Variants in EFEMP1 observed in about 807,000 individuals in gnomAD.
EFEMP1 encodes EGF-like fibulin extracellular matrix protein 1, also known as EGF-containing fibulin-like extracellular matrix protein 1.
Under a neutral mutation model 65.7 loss-of-function variants are expected in EFEMP1, and 18 were observed. The observed-to-expected ratio is 0.27, with a 90% CI of 0.19 to 0.41. The LOEUF is 0.41. Among genes scored for constraint, EFEMP1 ranks in the 10% least tolerant of loss-of-function variants. The probability of loss-of-function intolerance (pLI) is 1.00; values close to 1 mark genes in which losing one functional copy is unlikely to be tolerated. For synonymous variants in EFEMP1, 237 were observed against 219.7 expected (o/e 1.08, Z -0.70); for missense variants, 469 against 624.8 (o/e 0.75, Z 2.66).
rs142946208 is a variant in EFEMP1, at chr2:55,869,377, A to C, written c.1320+1343T>G. Among the ~76,000 whole-genome samples the C allele has an allele frequency of 3.3e-3, 507 of 152,292 alleles. 1 individual carries two copies. Among genetic ancestry groups the C allele is most frequent in the African/African-American group, 0.012 (488 of 41,572 alleles). ...AATTGTGTAAAATTCATTCAGTGGA[A>C]ATTTCTTACAAATATCAAGAATATG... On this transcript the variant is annotated intron_variant, in intron 11 of 11. Transcript: ENST00000355426.
chr2:55,902,437 T>TG (rs1274470677), intron 5 of EFEMP1, among the ~76,000 whole-genome samples: 1 of 152,254 alleles, frequency 6.6e-6, no homozygotes, highest in South Asian at 2.1e-4. Context: ...TCACATTTAG[T>TG]GCTGGCACCT....
At chr2:55,874,161 C>T (rs1249649031) in intron 9 of EFEMP1, among the ~76,000 whole-genome samples, 1 of 152,032 alleles carries the variant, frequency 6.6e-6, no homozygotes, top group Admixed American at 6.6e-5. Context: ...AACAGGTTTT[C>T]TGTCAAGTTT....
chr2:55,869,111 T>C (rs576282337), intron 11 of EFEMP1, among the ~76,000 whole-genome samples: 124 of 152,268 alleles, frequency 8.1e-4, no homozygotes, highest in African/African-American at 2.7e-3. Context: ...GTATTTTGAT[T>C]TGAAAATATG....
At chr2:55,896,544 T>C (rs527448078) in intron 5 of EFEMP1, among the ~76,000 whole-genome samples, 8 of 152,320 alleles carry the variant, frequency 5.3e-5, no homozygotes, top group Admixed American at 5.2e-4. Flanking sequence ...TCCTTATGTT[T>C]GATAAAAATT....
intron 5 of EFEMP1, among the ~76,000 whole-genome samples, chr2:55,910,804 T>C (rs1003957104): frequency 2.0e-5 from 3 of 152,110 alleles, no homozygotes; most frequent in African/African-American, 7.2e-5. Flanking sequence ...ATTTACAGAG[T>C]CTAAATGGAA....
At position 55,866,986 on chromosome 2, in the gene EFEMP1, C is replaced by G; in HGVS notation, c.*87G>C. ...TGTACAGTATAGAGATGTAGATGCACTAGATATATCTATAAATAAAATAGT... is the reference window on the plus strand; with the variant it reads ...TGTACAGTATAGAGATGTAGATGCAGTAGATATATCTATAAATAAAATAGT... On this transcript the variant is annotated 3_prime_UTR_variant, in exon 12 of 12. Transcript: ENST00000355426. 6.6e-7 allele frequency: 1 copy of G among 1,517,756 alleles called. No homozygotes were observed. The highest frequency in any genetic ancestry group is 9.1e-7 in the Non-Finnish European group (1 of 1,097,398). The allele number at this position is 1,517,756 out of a possible 1,614,324, so 94.0% of individuals were successfully genotyped here.
chr2:55,877,190 T>C lies in EFEMP1; in HGVS notation c.761-448A>G, dbSNP rs1669070145. Among the ~76,000 whole-genome samples, 1 of 152,204 alleles carries C rather than the reference T, an allele frequency of 6.6e-6. No homozygotes were observed. Among genetic ancestry groups the C allele is most frequent in the African/African-American group, 2.4e-5 (1 of 41,460 alleles). Reference sequence around the variant, plus strand: ...GATTTATCTGTGCTATTTATTACTTTTTAAATGGGTTCTGTTAAATTCCAT... The same window carrying C: ...GATTTATCTGTGCTATTTATTACTTCTTAAATGGGTTCTGTTAAATTCCAT... On this transcript the variant is annotated intron_variant, in intron 7 of 11. Coordinates refer to ENST00000355426, the MANE Select transcript of EFEMP1 (RefSeq NM_001039348.3). This position sits in a 1 kb window ranked among gnomAD's most constrained non-coding sequence, Gnocchi z 4.5.
intron 6 of EFEMP1, among the ~76,000 whole-genome samples, chr2:55,878,299 C>A (rs1669110754): frequency 6.6e-6 from 1 of 152,124 alleles, no homozygotes; most frequent in Admixed American, 6.5e-5. Context: ...CCTTCAGTAT[C>A]TTGGTTTTTC....
chr2:55,874,099 T>G (rs1298104982), intron 9 of EFEMP1, among the ~76,000 whole-genome samples: 1 of 152,068 alleles, frequency 6.6e-6, no homozygotes, highest in African/African-American at 2.4e-5. Flanking sequence ...TCAGAGTAGT[T>G]TGATAATTTG....
In EFEMP1 at chr2:55,875,441, A is replaced by G. The variant is rs540900771; in HGVS notation, c.881-376T>C. On this transcript the variant is annotated intron_variant, in intron 8 of 11. Coordinates refer to ENST00000355426, the MANE Select transcript of EFEMP1 (RefSeq NM_001039348.3). ...TTGAGGTGAGCTAAAGAGAGTAAAAATATTGCAAATTCTGAAATAGAAATA... is the reference window on the plus strand; with the variant it reads ...TTGAGGTGAGCTAAAGAGAGTAAAAGTATTGCAAATTCTGAAATAGAAATA... Among the ~76,000 whole-genome samples the G allele has an allele frequency of 4.6e-5, 7 of 152,088 alleles. No homozygotes were observed. The South Asian group carries it at 1.5e-3, about 32-fold the overall frequency.
intron 6 of EFEMP1, among the ~76,000 whole-genome samples, chr2:55,881,254 A>G (rs1360009546): frequency 6.6e-6 from 1 of 152,220 alleles, no homozygotes; most frequent in Non-Finnish European, 1.5e-5. Flanking sequence ...GTGCTGTGCT[A>G]TGCTATGCTC....
chr2:55,877,470 G>T lies in EFEMP1; in HGVS notation c.760+276C>A, dbSNP rs1166703287. Among the ~76,000 whole-genome samples the T allele has an allele frequency of 6.6e-6, 1 of 152,140 alleles. No individual in the cohort carries two copies. Among genetic ancestry groups the T allele is most frequent in the Non-Finnish European group, 1.5e-5 (1 of 68,028 alleles). ...CACTTTCAGCATTATATCACACACT[G>T]CTGATTGACTGGTGTATGTATATCA... On this transcript the variant is annotated intron_variant, in intron 7 of 11. Transcript: ENST00000355426. This position sits in a 1 kb window ranked among gnomAD's most constrained non-coding sequence, Gnocchi z 4.5.
chr2:55,918,214 C>T lies in EFEMP1; in HGVS notation c.130+5G>A, dbSNP rs776396486. 1 of 1,614,180 alleles carries T rather than the reference C, an allele frequency of 6.2e-7. No homozygotes were observed. The highest frequency in any genetic ancestry group is 8.5e-7 in the Non-Finnish European group (1 of 1,180,032). On this transcript the variant is annotated splice_donor_5th_base_variant and intron_variant, in intron 4 of 11. Coordinates refer to ENST00000355426, the MANE Select transcript of EFEMP1 (RefSeq NM_001039348.3). The stretch of plus-strand genomic sequence containing the variant: ...ATCACATGGAAGTCTTTGAAGCTGG[C>T]TCACCTTTGCATTGCTGTCTCACAG...
At chr2:55,880,227 T>A (rs914517395) in intron 6 of EFEMP1, among the ~76,000 whole-genome samples, 1 of 152,094 alleles carries the variant, frequency 6.6e-6, no homozygotes, top group Non-Finnish European at 1.5e-5. Flanking sequence ...CTTGATTCTC[T>A]CAGTGAGGGA....
At chr2:55,898,151 A>T (rs1253862631) in intron 5 of EFEMP1, among the ~76,000 whole-genome samples, 3 of 152,238 alleles carry the variant, frequency 2.0e-5, no homozygotes, top group Non-Finnish European at 4.4e-5. Context: ...CTGATTGTTC[A>T]GTAGACCATT....
chr2:55,867,305 A>G lies in EFEMP1; in HGVS notation c.1321-71T>C. The G allele has an allele frequency of 2.0e-6, 3 of 1,512,300 alleles. No individual in the cohort carries two copies. The highest frequency in any genetic ancestry group is 2.7e-6 in the Non-Finnish European group (3 of 1,109,686). The allele number at this position is 1,512,300 out of a possible 1,614,324, so 93.7% of individuals were successfully genotyped here. ...ATTGGAGTTTCTATGCTTTGTTAGT[A>G]TACCTCCTATAAGAATTAGGGGGAG... On this transcript the variant is annotated intron_variant, in intron 11 of 11. Transcript: ENST00000355426. The surrounding 1 kb of genome is among the most constrained non-coding windows in gnomAD (Gnocchi z 4.3).
Position 55,917,593 on chromosome 2 carries a change from T to G in EFEMP1, c.517+72A>C. The G allele has an allele frequency of 6.3e-7, 1 of 1,599,236 alleles. No homozygotes were observed. Among genetic ancestry groups the G allele is most frequent in the South Asian group, 1.1e-5 (1 of 90,210 alleles). On this transcript the variant is annotated intron_variant, in intron 5 of 11. Coordinates refer to ENST00000355426, the MANE Select transcript of EFEMP1 (RefSeq NM_001039348.3). This position sits in a 1 kb window ranked among gnomAD's most constrained non-coding sequence, Gnocchi z 6.3. ...TGGCACGCGAGAAGTCCTTAATAAA[T>G]TATCATCATCCTCACCACGAGGTGC...
rs1466252912 is a variant in EFEMP1, at chr2:55,922,481, T to C, written c.-7-34A>G. On this transcript the variant is annotated intron_variant, in intron 2 of 11. Coordinates refer to ENST00000355426, the MANE Select transcript of EFEMP1 (RefSeq NM_001039348.3). The surrounding 1 kb of genome is among the most constrained non-coding windows in gnomAD (Gnocchi z 5.5). ...AAATACAGGACAAACTAATGTTTAG[T>C]ATCTGCTGCGGGGAAAGTAACAAAA... is the stretch of plus-strand genomic sequence containing the variant. 19 of 1,589,854 alleles carry C rather than the reference T, an allele frequency of 1.2e-5. No homozygotes were observed. Among genetic ancestry groups the C allele is most frequent in the Admixed American group, 8.4e-5 (5 of 59,876 alleles).
At chr2:55,868,600 A>G (rs1668675517) in intron 11 of EFEMP1, among the ~76,000 whole-genome samples, 2 of 152,288 alleles carry the variant, frequency 1.3e-5, no homozygotes, top group African/African-American at 4.8e-5. Context: ...TCCTTTCAAG[A>G]ATCAGGCTGA....
Sources: gnomAD v4.1 joint callset for allele counts (sites outside exome capture counted in the v4.1 genomes callset) on GRCh38, gnomAD v4.1.1 for gene constraint, Gnocchi (gnomAD v3.1) non-coding constraint, MANE v1.5 for transcripts, NCBI Gene and HGNC (gene_info 2026-07-23, HGNC 2026-07-21) for gene names.